Variants in XKR6 observed in about 807,000 individuals in gnomAD.
XKR6 encodes the protein XK-related protein 6.
A neutral mutation model predicts 56.7 loss-of-function variants in XKR6; 22 were observed. The observed-to-expected ratio is 0.39, with a 90% CI of 0.28 to 0.55. The LOEUF (loss-of-function observed/expected upper bound fraction) is 0.55, where lower values mean the gene tolerates loss of function less well. Ranked by LOEUF, XKR6 falls within the 20% of genes least tolerant of loss-of-function variation. The probability of loss-of-function intolerance (pLI) is 0.66; values close to 1 mark genes in which losing one functional copy is unlikely to be tolerated. For synonymous variants in XKR6, 524 were observed against 387.8 expected, an observed-to-expected ratio of 1.35 and a Z score of -4.13; for missense variants, 852 against 889.0, an observed-to-expected ratio of 0.96 and a Z score of 0.53.
At chr8:11,161,571 G>C (rs1261582599) in intron 1 of XKR6, among the ~76,000 whole-genome samples, 1 of 152,184 alleles carries the variant, frequency 6.6e-6, no homozygotes, top group African/African-American at 2.4e-5. Context: ...CACTCACTCA[G>C]CAGAGCATGA....
chr8:11,062,973 A>G (rs1054223044), intron 1 of XKR6: 24 of 383,808 alleles, frequency 6.3e-5, no homozygotes, highest in Non-Finnish European at 1.1e-4. Flanking sequence ...GAGCCCCTGG[A>G]GATGGAGGAT....
chr8:11,141,382 G>C (rs1800691730), intron 1 of XKR6, among the ~76,000 whole-genome samples: 1 of 152,178 alleles, frequency 6.6e-6, no homozygotes, highest in African/African-American at 2.4e-5. Context: ...CATGAGGGTA[G>C]ACCCCCCATG....
chr8:11,143,960 C>G (rs1586609228), intron 1 of XKR6, among the ~76,000 whole-genome samples: 1 of 152,166 alleles, frequency 6.6e-6, no homozygotes, highest in Non-Finnish European at 1.5e-5. Context: ...CACCTTCTCC[C>G]TTTGTCCTCA....
intron 1 of XKR6, among the ~76,000 whole-genome samples, chr8:11,051,619 A>T (rs1378456645): frequency 6.6e-6 from 1 of 152,170 alleles, no homozygotes; most frequent in Non-Finnish European, 1.5e-5. Flanking sequence ...CCCCACCTGC[A>T]GAACGTATGT....
rs113775967 is a variant in XKR6 at position 11,181,112 on chromosome 8, T to C, written c.764+19464A>G. ...AGAGTAACAAGTGCACTAAGACTTG[T>C]TGGTAATGTTGCTTGGAAAGGATGA... is the stretch of plus-strand genomic sequence containing the variant. On this transcript the variant is annotated intron_variant, in intron 1 of 2. Coordinates refer to ENST00000416569, the MANE Select transcript of XKR6 (RefSeq NM_173683.4). Among the ~76,000 whole-genome samples, 301 of 152,190 alleles carry C rather than the reference T, an allele frequency of 2.0e-3. 2 individuals carry two copies. Among genetic ancestry groups the C allele is most frequent in the African/African-American group, 6.8e-3 (282 of 41,520 alleles).
chr8:10,964,394 A>G (rs1367499463), intron 1 of XKR6, among the ~76,000 whole-genome samples: 1 of 152,100 alleles, frequency 6.6e-6, no homozygotes, highest in African/African-American at 2.4e-5. Flanking sequence ...TGGAGCTTAG[A>G]CCTGGAGGCT....
intron 2 of XKR6, among the ~76,000 whole-genome samples, chr8:10,924,153 T>A (rs980360652): frequency 6.6e-6 from 1 of 152,250 alleles, no homozygotes; most frequent in Non-Finnish European, 1.5e-5. Context: ...CTTAAGCTGC[T>A]TTACAAATGG....
At chr8:11,133,950 C>G (rs1800249281) in intron 1 of XKR6, among the ~76,000 whole-genome samples, 1 of 152,142 alleles carries the variant, frequency 6.6e-6, no homozygotes, top group South Asian at 2.1e-4. Context: ...ATGAGCTGGT[C>G]TCTTATGTTT....
chr8:11,008,245 C>T (rs1798417914), intron 1 of XKR6, among the ~76,000 whole-genome samples: 2 of 152,188 alleles, frequency 1.3e-5, no homozygotes, highest in South Asian at 4.1e-4. Flanking sequence ...ACCAGCCTCA[C>T]TGGCCACTTG....
At chr8:11,108,836 C>G (rs958727640) in intron 1 of XKR6, 1 of 155,318 alleles carries the variant, frequency 6.4e-6, no homozygotes, top group African/African-American at 2.4e-5. Context: ...CCTACACCCA[C>G]AGAAACCACA....
intron 1 of XKR6, among the ~76,000 whole-genome samples, chr8:11,091,802 C>T (rs1798081835): frequency 6.6e-6 from 1 of 152,198 alleles, no homozygotes; most frequent in Admixed American, 6.5e-5. Context: ...CCAAATCCAT[C>T]CTGCCCATGG....
intron 1 of XKR6, among the ~76,000 whole-genome samples, chr8:10,951,084 C>G (rs892581288): frequency 4.6e-5 from 7 of 152,174 alleles, no homozygotes; most frequent in African/African-American, 1.4e-4. Flanking sequence ...ACCCATCCAT[C>G]CACGACCCCA....
At chr8:10,997,765 C>A (rs1798147450) in intron 1 of XKR6, among the ~76,000 whole-genome samples, 1 of 152,092 alleles carries the variant, frequency 6.6e-6, no homozygotes, top group African/African-American at 2.4e-5. Flanking sequence ...AAGGAAGGAG[C>A]AGGAGCTAAA....
intron 1 of XKR6, among the ~76,000 whole-genome samples, chr8:11,155,081 T>A (rs928789276): frequency 6.6e-6 from 1 of 152,250 alleles, no homozygotes; most frequent in African/African-American, 2.4e-5. Context: ...GGTTTCATCC[T>A]GAGGCCCCCA....
intron 1 of XKR6, among the ~76,000 whole-genome samples, chr8:10,943,687 C>A (rs927821670): frequency 6.6e-6 from 1 of 152,176 alleles, no homozygotes; most frequent in African/African-American, 2.4e-5. Context: ...GAAAGCCTTA[C>A]GATCGTCCTC....
intron 1 of XKR6, among the ~76,000 whole-genome samples, chr8:11,129,891 C>T (rs1248817712): frequency 2.0e-5 from 3 of 152,038 alleles, no homozygotes; most frequent in Non-Finnish European, 2.9e-5. Context: ...AAAAACCAAT[C>T]TCAGCTGCTT....
intron 1 of XKR6, among the ~76,000 whole-genome samples, chr8:10,971,797 C>G (rs940048898): frequency 2.0e-5 from 3 of 152,216 alleles, no homozygotes; most frequent in Admixed American, 6.5e-5. Context: ...ACCACCTCGT[C>G]CTCTTGCTCA....
Position 11,186,607 on chromosome 8 carries a change from T to C in XKR6, c.764+13969A>G, listed in dbSNP as rs181845424. Reference sequence around the variant, plus strand: ...ATTGCCCAGGTTGGTCTCAAACTCCTGGACTCAAGTGATCTTCCCACCTTG... The same window carrying C: ...ATTGCCCAGGTTGGTCTCAAACTCCCGGACTCAAGTGATCTTCCCACCTTG... On this transcript the variant is annotated intron_variant, in intron 1 of 2. Coordinates refer to ENST00000416569, the MANE Select transcript of XKR6 (RefSeq NM_173683.4). 2.9e-4 allele frequency among the ~76,000 whole-genome samples: 44 copies of C among 152,304 alleles called. 1 individual carries two copies. Among genetic ancestry groups the C allele is most frequent in the Admixed American group, 2.6e-3 (40 of 15,302 alleles).
chr8:10,967,531 G>A (rs76780700), intron 1 of XKR6, among the ~76,000 whole-genome samples: 1,764 of 152,298 alleles, frequency 0.012, 43 homozygotes, highest in African/African-American at 0.036. Flanking sequence ...GGCAGAGGTC[G>A]GGGGGCGTGG....
Sources: allele counts gnomAD v4.1 joint callset (sites outside exome capture counted in the v4.1 genomes callset), GRCh38; gene constraint gnomAD v4.1.1; transcripts MANE v1.5; gene names NCBI Gene and HGNC (gene_info 2026-07-23, HGNC 2026-07-21).